CPSF2: variants seen among roughly 807,000 people sequenced by gnomAD.
CPSF2 encodes the protein cleavage and polyadenylation specific factor 2, also known as cleavage and polyadenylation specificity factor subunit 2.
In CPSF2, 51 loss-of-function variants were observed where a neutral mutation model predicts 84.2. The ratio of observed to expected loss-of-function variants is 0.61; its 90% CI spans 0.48 to 0.77. CPSF2 has a LOEUF of 0.77. Among genes scored for constraint, CPSF2 ranks in the 30% least tolerant of loss-of-function variants. CPSF2 has a pLI of 0.00. For missense variants in CPSF2, 641 were observed against 929.4 expected, an observed-to-expected ratio of 0.69 and a Z score of 4.03; for synonymous variants, 286 against 311.9, an observed-to-expected ratio of 0.92 and a Z score of 0.87.
At chr14:92,132,643 A>C (rs2068947369) in intron 3 of CPSF2, among the ~76,000 whole-genome samples, 1 of 151,506 alleles carries the variant, frequency 6.6e-6, no homozygotes, top group Non-Finnish European at 1.5e-5. Flanking sequence ...ATGGTGGTGC[A>C]TGCCTGTAAT....
At chr14:92,148,395 CTG>C (rs1402845553) in intron 9 of CPSF2, among the ~76,000 whole-genome samples, 7 of 152,180 alleles carry the variant, frequency 4.6e-5, no homozygotes, top group African/African-American at 7.2e-5. Flanking sequence ...TCCAGCAAAA[CTG>C]TGTTACATCC....
In CPSF2 at chr14:92,134,252, T is replaced by G. The variant is rs747545780; in HGVS notation, c.312T>G (p.Ser104=). The part of the protein sequence containing the change: ...GQMFMYDLYQ[S]RHNTEDFTLF... ...CTTTATTTGTGTTATTCTTTTAGTC[T>G]CGACACAATACAGAAGATTTTACAC... Residue 104 remains serine, a splice_region_variant and synonymous_variant, in exon 5 of 16, where the codon TCT becomes TCG. Transcript: ENST00000298875. 2 of 1,612,914 alleles carry G rather than the reference T, an allele frequency of 1.2e-6. No homozygotes were observed. The highest frequency in any genetic ancestry group is 1.7e-6 in the Non-Finnish European group (2 of 1,178,984).
intron 9 of CPSF2, chr14:92,154,098 A>G: frequency 3.8e-6 from 1 of 266,098 alleles, no homozygotes; most frequent in Non-Finnish European, 7.2e-6. Flanking sequence ...TGCTAGGATT[A>G]TAGGTGTGAG....
At position 92,131,262 on chromosome 14, in the gene CPSF2, T is replaced by C. The variant is rs192734765; in HGVS notation, c.149+129T>C. The C allele has an allele frequency of 1.2e-5, 8 of 654,190 alleles. No individual in the cohort carries two copies. The Admixed American group carries it at 2.7e-4, about 22-fold the overall frequency. The allele number at this position is 654,190 out of a possible 1,614,324, so 40.5% of individuals were successfully genotyped here. A position where few individuals can be genotyped will look rare whatever the true frequency, so the allele number is the denominator to read the frequency against. Reference sequence around the variant, plus strand: ...ATAGCAAAAGGCTTAATTTTACTTATGCCAAAAACCTATAGTGACATTTTA... The same window carrying C: ...ATAGCAAAAGGCTTAATTTTACTTACGCCAAAAACCTATAGTGACATTTTA... On this transcript the variant is annotated intron_variant, in intron 3 of 15. Coordinates refer to ENST00000298875, the MANE Select transcript of CPSF2 (RefSeq NM_017437.3).
intron 9 of CPSF2, among the ~76,000 whole-genome samples, chr14:92,150,449 T>G (rs1020720677): frequency 5.3e-5 from 8 of 151,702 alleles, no homozygotes; most frequent in Non-Finnish European, 1.2e-4. Flanking sequence ...TTTTTTTTTT[T>G]GAGTTTGGGT....
At chr14:92,130,859 C>T in intron 2 of CPSF2, 92 bp from the exon 3 acceptor site, 1 of 783,786 alleles carries the variant, frequency 1.3e-6, no homozygotes, top group Non-Finnish European at 1.9e-6. Context: ...TTTCTATGCA[C>T]TTAAAGATTT....
rs1207875702 is a variant in CPSF2 at position 92,138,325 on chromosome 14, A to G, written c.639A>G (p.Lys213=). ...CTACATATGTACAGCCTAGAAGAAA[A>G]CAGAGAGATGAGCAGCTTCTGAGTA... ...FNATYVQPRR[K]QRDEQLLTNV... The change falls in exon 7 of 16, where the codon AAA becomes AAG. Residue 213 remains lysine, a synonymous_variant. Coordinates refer to ENST00000298875, the MANE Select transcript of CPSF2 (RefSeq NM_017437.3). The G allele has an allele frequency of 3.2e-6, 5 of 1,579,768 alleles. No homozygotes were observed. In the South Asian group the frequency reaches 5.9e-5, roughly 19 times the overall value.
chr14:92,144,930 A>G (rs1471207935), intron 9 of CPSF2, among the ~76,000 whole-genome samples: 2 of 152,128 alleles, frequency 1.3e-5, no homozygotes, highest in African/African-American at 4.8e-5. Flanking sequence ...TCTTTCCACC[A>G]CTAAATGTAC....
rs774377131 is a variant in CPSF2, at chr14:92,162,543, A to C, written c.*799A>C. 3.3e-5 allele frequency: 5 copies of C among 152,232 alleles called. No homozygotes were observed. Among genetic ancestry groups the C allele is most frequent in the Non-Finnish European group, 7.3e-5 (5 of 68,030 alleles). 9.4% of individuals were successfully genotyped at this position (152,232 alleles called of 1,614,324 possible). On this transcript the variant is annotated 3_prime_UTR_variant, in exon 16 of 16. Transcript: ENST00000298875. Reference sequence around the variant, plus strand: ...AACTGTTTAGTGCTCTGTTTTTAAGAAAACAAATGTTGAACCTCACACTTT... The same window carrying C: ...AACTGTTTAGTGCTCTGTTTTTAAGCAAACAAATGTTGAACCTCACACTTT...
At position 92,165,335 on chromosome 14, in the gene CPSF2, C is replaced by G. The variant is rs1244448683; in HGVS notation, c.*3591C>G. On this transcript the variant is annotated 3_prime_UTR_variant, in exon 16 of 16. Coordinates refer to ENST00000298875, the MANE Select transcript of CPSF2 (RefSeq NM_017437.3). ...GGATCATACAGTAATTCTGCTTAACCTTTTGAGGAGCTGCCAGGCTGTTTT... is the reference window on the plus strand; with the variant it reads ...GGATCATACAGTAATTCTGCTTAACGTTTTGAGGAGCTGCCAGGCTGTTTT... The G allele has an allele frequency of 1.3e-5, 2 of 151,906 alleles. No individual in the cohort carries two copies. The highest frequency in any genetic ancestry group is 2.9e-5 in the Non-Finnish European group (2 of 67,994). 9.4% of individuals were successfully genotyped at this position (151,906 alleles called of 1,614,324 possible).
rs1204805543 is a variant in CPSF2 at position 92,161,867 on chromosome 14, G to T, written c.*123G>T. Reference sequence around the variant, plus strand: ...AAGAATCTGCCAGAAAAACTTACATGTATCAGATTTTTAAAAATATAAATA... The same window carrying T: ...AAGAATCTGCCAGAAAAACTTACATTTATCAGATTTTTAAAAATATAAATA... On this transcript the variant is annotated 3_prime_UTR_variant, in exon 16 of 16. Transcript: ENST00000298875. 1 of 596,702 alleles carries T rather than the reference G, an allele frequency of 1.7e-6. No homozygotes were observed. The highest frequency in any genetic ancestry group is 2.9e-6 in the Non-Finnish European group (1 of 349,478). 37.0% of individuals were successfully genotyped at this position (596,702 alleles called of 1,614,324 possible).
intron 9 of CPSF2, among the ~76,000 whole-genome samples, chr14:92,152,337 C>G (rs566030025): frequency 1.3e-5 from 2 of 151,958 alleles, no homozygotes; most frequent in Non-Finnish European, 2.9e-5. Flanking sequence ...CCATATTGAT[C>G]AGGCTTGTCT....
At chr14:92,127,426 T>C (rs1047331118) in intron 2 of CPSF2, among the ~76,000 whole-genome samples, 1 of 152,162 alleles carries the variant, frequency 6.6e-6, no homozygotes, top group Non-Finnish European at 1.5e-5. Context: ...CTGGAAGTGT[T>C]TTATAAAGGT....
chr14:92,165,675 G>GT lies in CPSF2; in HGVS notation c.*3938dup, dbSNP rs1204803170. The GT allele has an allele frequency of 3.3e-5, 5 of 151,568 alleles. No homozygotes were observed. In the South Asian group the frequency reaches 6.2e-4, roughly 19 times the overall value. 9.4% of individuals were successfully genotyped at this position (151,568 alleles called of 1,614,324 possible). ...TTATCTTTACTGTTGAGATGTAAGA[G>GT]TTTTTTTATATATTTTCTGGATACT... On this transcript the variant is annotated 3_prime_UTR_variant, in exon 16 of 16. Coordinates refer to ENST00000298875, the MANE Select transcript of CPSF2 (RefSeq NM_017437.3).
rs756352809 is a variant in CPSF2, at chr14:92,130,966, T to C, written c.-19T>C. 8.1e-6 allele frequency: 13 copies of C among 1,605,866 alleles called. No homozygotes were observed. The highest frequency in any genetic ancestry group is 1.7e-4 in the Middle Eastern group (1 of 6,040). On this transcript the variant is annotated 5_prime_UTR_variant, in exon 3 of 16. Transcript: ENST00000298875. ...CATTTGAAAGACTCTTCTAGCTTGC[T>C]GTTTCTGGACCAAAAAAAATGACGT...
At chr14:92,155,683 C>G (rs1304995952) in intron 11 of CPSF2, among the ~76,000 whole-genome samples, 1 of 151,680 alleles carries the variant, frequency 6.6e-6, no homozygotes, top group Non-Finnish European at 1.5e-5. Context: ...AATCCCAACA[C>G]TTTGGGAGGC....
In CPSF2 at chr14:92,143,247, G is replaced by A. The variant is rs779815756; in HGVS notation, c.1093G>A (p.Ala365Thr). ...CTACAGAACTACTCCTGGGACTTTAGCACGTTTCCTAATTGATAATCCTTC... is the reference window on the plus strand; with the variant it reads ...CTACAGAACTACTCCTGGGACTTTAACACGTTTCCTAATTGATAATCCTTC... ...LTYRTTPGTL[A>T]RFLIDNPSEK... Residue 365 changes from alanine to threonine, a missense_variant, in exon 9 of 16, where the codon GCA (alanine) becomes ACA (threonine). By Grantham distance (58) the Ala-to-Thr change is moderately conservative (BLOSUM62 0). Coordinates refer to ENST00000298875, the MANE Select transcript of CPSF2 (RefSeq NM_017437.3). The A allele has an allele frequency of 3.1e-5, 50 of 1,612,146 alleles. No individual in the cohort carries two copies. The highest frequency in any genetic ancestry group is 4.4e-5 in the South Asian group (4 of 90,802).
Position 92,171,113 on chromosome 14 carries a change from A to C in CPSF2, c.*9369A>C, listed in dbSNP as rs2069512004. ...TCCTTGTCTGGATCAGTTATTGCCA[A>C]ATGGTAGTTTTCTTTTCTTTTCTTT... On this transcript the variant is annotated 3_prime_UTR_variant, in exon 16 of 16. Transcript: ENST00000298875. 1 of 151,928 alleles carries C rather than the reference A, an allele frequency of 6.6e-6. No homozygotes were observed. Among genetic ancestry groups the C allele is most frequent in the African/African-American group, 2.4e-5 (1 of 41,324 alleles). 9.4% of individuals were successfully genotyped at this position (151,928 alleles called of 1,614,324 possible). A position where few individuals can be genotyped will look rare whatever the true frequency, so the allele number is the denominator to read the frequency against.
chr14:92,146,534 A>AC (rs2069146800), intron 9 of CPSF2, among the ~76,000 whole-genome samples: 1 of 152,092 alleles, frequency 6.6e-6, no homozygotes, highest in Admixed American at 6.5e-5. Context: ...AAACAAACAA[A>AC]AACACATACA....
Sources: gnomAD v4.1 joint callset for allele counts (sites outside exome capture counted in the v4.1 genomes callset) on GRCh38, gnomAD v4.1.1 for gene constraint, MANE v1.5 for transcripts, NCBI Gene and HGNC (gene_info 2026-07-23, HGNC 2026-07-21) for gene names.